Variants in RYR2 observed in about 807,000 individuals in gnomAD.
RYR2 encodes cardiac muscle ryanodine receptor-calcium release channel.
Under a neutral mutation model 601.1 loss-of-function variants are expected in RYR2, and 227 were observed. The observed-to-expected ratio is 0.38, with a 90% confidence interval of 0.34 to 0.42. The LOEUF is 0.42. Among genes scored for constraint, RYR2 ranks in the 10% least tolerant of loss-of-function variants. RYR2 has a pLI of 1.00. For synonymous variants in RYR2, 2,223 were observed against 2,175.1 expected (o/e 1.02, Z -0.61); for missense variants, 4,646 against 6,156.5 (o/e 0.75, Z 8.21).
In RYR2 at chr1:237,440,491, A is replaced by G. The variant is rs147373052; in HGVS notation, c.1006-828A>G. 3.3e-5 allele frequency among the ~76,000 whole-genome samples: 5 copies of G among 152,280 alleles called. No individual in the cohort carries two copies. The East Asian group carries it at 9.7e-4, about 29-fold the overall frequency. ...GAGTTCCTGAAGATCACAGCTATGC[A>G]TGGGAGGAAAAATGGAAAGAGTATG... On this transcript the variant is annotated intron_variant, in intron 12 of 104. Transcript: ENST00000366574.
At chr1:237,821,575 C>T (rs1009369061) in intron 101 of RYR2, among the ~76,000 whole-genome samples, 2 of 151,998 alleles carry the variant, frequency 1.3e-5, no homozygotes, top group Non-Finnish European at 2.9e-5. Context: ...GAGAAACCAG[C>T]ACAAAAAGAC....
intron 66 of RYR2, among the ~76,000 whole-genome samples, 184 bp from the exon 67 acceptor site, chr1:237,705,029 T>C (rs540305948): frequency 7.2e-5 from 11 of 152,322 alleles, no homozygotes; most frequent in African/African-American, 2.4e-4. Context: ...TAGCTTTTTT[T>C]CAAATGGTGA....
chr1:237,523,744 A>C (rs1355645930), intron 24 of RYR2, among the ~76,000 whole-genome samples: 1 of 152,090 alleles, frequency 6.6e-6, no homozygotes, highest in Non-Finnish European at 1.5e-5. Context: ...CTCAAAAAAA[A>C]AAAAGGCAAA....
At chr1:237,474,278 C>T (rs1661148431) in intron 17 of RYR2, among the ~76,000 whole-genome samples, 1 of 49,962 alleles carries the variant, frequency 2.0e-5, no homozygotes, top group Admixed American at 2.6e-4. Context: ...TACACACACA[C>T]ACACACATAT....
intron 25 of RYR2, among the ~76,000 whole-genome samples, chr1:237,547,705 A>G (rs1669970264): frequency 6.6e-6 from 1 of 152,204 alleles, no homozygotes; most frequent in Admixed American, 6.5e-5. Flanking sequence ...TGAAAAGTTA[A>G]TATTTTCAAC....
At chr1:237,695,364 A>C (rs985493208) in intron 63 of RYR2, among the ~76,000 whole-genome samples, 3 of 152,206 alleles carry the variant, frequency 2.0e-5, no homozygotes, top group African/African-American at 7.2e-5. Flanking sequence ...TTAAGGACAA[A>C]TAGGCAATCT....
rs552604646 is a variant in RYR2 at position 237,792,317 on chromosome 1, C to T, written c.13776C>T (p.Cys4592=). Residue 4592 remains cysteine (C), a synonymous_variant, in exon 94 of 105, where the codon TGC becomes TGT. Coordinates refer to ENST00000366574, the MANE Select transcript of RYR2 (RefSeq NM_001035.3). ...TCTTCTGCATCATTGGATACTACTGCTTGAAAGTAAGATAGTAAGGCACCA... is the reference window on the plus strand; with the variant it reads ...TCTTCTGCATCATTGGATACTACTGTTTGAAAGTAAGATAGTAAGGCACCA... ...ISFFCIIGYY[C]LKVPLVIFKR... 1 of 1,602,668 alleles carries T rather than the reference C, an allele frequency of 6.2e-7. No individual in the cohort carries two copies. Among genetic ancestry groups the T allele is most frequent in the Non-Finnish European group, 8.5e-7 (1 of 1,172,852 alleles).
intron 84 of RYR2, among the ~76,000 whole-genome samples, chr1:237,770,368 G>A (rs907349064): frequency 1.6e-4 from 25 of 152,044 alleles, no homozygotes; most frequent in Admixed American, 1.6e-3. Flanking sequence ...TCTTGGCCCC[G>A]CTTTTTTGGA....
At chr1:237,405,336 T>C (rs1703754873) in intron 10 of RYR2, among the ~76,000 whole-genome samples, 1 of 152,206 alleles carries the variant, frequency 6.6e-6, no homozygotes, top group Non-Finnish European at 1.5e-5. Flanking sequence ...GGTGATCAAC[T>C]ATGTCAAATG....
At chr1:237,308,149 G>A (rs1298851748) in intron 2 of RYR2, among the ~76,000 whole-genome samples, 1 of 152,174 alleles carries the variant, frequency 6.6e-6, no homozygotes, top group Non-Finnish European at 1.5e-5. Flanking sequence ...CCCAGACTTA[G>A]GAGTGTCCAG....
rs1202962809 is a variant in RYR2, at chr1:237,784,184, A to G, written c.12472A>G (p.Thr4158Ala). The G allele has an allele frequency of 6.2e-7, 1 of 1,614,012 alleles. No individual in the cohort carries two copies. The highest frequency in any genetic ancestry group is 8.5e-7 in the Non-Finnish European group (1 of 1,179,890). ...VYFEISESSR[T>A]QWEKPQVKES... ...TTTTGAAATCAGTGAGTCCAGCCGA[A>G]CCCAGTGGGAGAAGCCCCAGGTCAA... Residue 4158 changes from threonine to alanine, a missense_variant, in exon 90 of 105, where the codon ACC becomes GCC. This residue lies in a region of RYR2 where 70 missense variants were observed against 164.6 expected (regional missense o/e 0.43). Coordinates refer to ENST00000366574, the MANE Select transcript of RYR2 (RefSeq NM_001035.3). This position sits in a 1 kb window ranked among gnomAD's most constrained non-coding sequence, Gnocchi z 7.1.
intron 1 of RYR2, among the ~76,000 whole-genome samples, chr1:237,144,099 A>C (rs1000419208): frequency 6.6e-6 from 1 of 152,098 alleles, no homozygotes; most frequent in South Asian, 2.1e-4. Flanking sequence ...ACTGCACTCC[A>C]GCCTGGGTGA....
chr1:237,794,331 G>GGAA (rs1361209636), intron 95 of RYR2, among the ~76,000 whole-genome samples: 1 of 151,560 alleles, frequency 6.6e-6, no homozygotes, highest in Admixed American at 6.6e-5. Context: ...CAAAAGCAGA[G>GGAA]GCAAAAATTA....
chr1:237,344,587 T>C (rs1484720644), intron 3 of RYR2, among the ~76,000 whole-genome samples: 2 of 152,186 alleles, frequency 1.3e-5, no homozygotes, highest in East Asian at 1.9e-4. Context: ...CCTTAAACAC[T>C]TTCATGAAGC....
At chr1:237,774,106 T>G (rs1354345116) in intron 87 of RYR2, among the ~76,000 whole-genome samples, 1 of 152,228 alleles carries the variant, frequency 6.6e-6, no homozygotes, top group Non-Finnish European at 1.5e-5. Flanking sequence ...TTACATCGAT[T>G]TGTTTTATAT....
Position 237,700,418 on chromosome 1 carries a change from T to A in RYR2, c.9318T>A (p.Ser3106=), listed in dbSNP as rs2797436. The part of the protein sequence containing the change: ...YTTVALLPML[S]SLFEHIGQHQ... ...CAGTGGCCCTGCTGCCAATGCTGTCTTCATTATTTGAACATATTGGCCAGC... is the reference window on the plus strand; with the variant it reads ...CAGTGGCCCTGCTGCCAATGCTGTCATCATTATTTGAACATATTGGCCAGC... The change falls in exon 65 of 105, where the codon TCT becomes TCA. Residue 3106 remains serine, a synonymous_variant. Transcript: ENST00000366574. 6.0e-5 allele frequency: 96 copies of A among 1,609,364 alleles called. No individual in the cohort carries two copies. The highest frequency in any genetic ancestry group is 2.1e-4 in the African/African-American group (16 of 74,864).
intron 1 of RYR2, among the ~76,000 whole-genome samples, chr1:237,092,828 G>A (rs1667119960): frequency 6.6e-6 from 1 of 152,162 alleles, no homozygotes; most frequent in Non-Finnish European, 1.5e-5. Context: ...ACCGTGTCTG[G>A]CCAAAGATAG....
rs546228349 is a variant in RYR2 at position 237,315,005 on chromosome 1, G to A, written c.169-15873G>A. 6.8e-4 allele frequency among the ~76,000 whole-genome samples: 103 copies of A among 152,092 alleles called. 1 individual carries two copies. The highest frequency in any genetic ancestry group is 2.4e-3 in the African/African-American group (98 of 41,496). ...AATCAAAACTAACAGAAACCATTAG[G>A]TTCTATTATGGTATTTGCCAAAAAA... On this transcript the variant is annotated intron_variant, in intron 2 of 104. Transcript: ENST00000366574.
At chr1:237,322,727 C>T (rs1695741887) in intron 2 of RYR2, among the ~76,000 whole-genome samples, 1 of 151,998 alleles carries the variant, frequency 6.6e-6, no homozygotes, top group African/African-American at 2.4e-5. Context: ...ATACTTAGCT[C>T]ATACACTATT....
Sources: gnomAD v4.1 joint callset for allele counts (sites outside exome capture counted in the v4.1 genomes callset) on GRCh38, gnomAD v4.1.1 for gene constraint, gnomAD v4.1.1 regional missense constraint, Gnocchi (gnomAD v3.1) non-coding constraint, MANE v1.5 for transcripts, NCBI Gene and HGNC (gene_info 2026-07-23, HGNC 2026-07-21) for gene names.